ARMH4: variants seen among roughly 807,000 people sequenced by gnomAD.
ARMH4 encodes the protein armadillo like helical domain containing 4.
ARMH4 carries 49 observed loss-of-function variants against 61.9 expected under a neutral mutation model. The ratio of observed to expected loss-of-function variants is 0.79; its 90% confidence interval spans 0.63 to 1.00. The LOEUF (loss-of-function observed/expected upper bound fraction) is 1.00. ARMH4 is among the 50% of genes least tolerant of loss of function. The pLI is 0.00. For missense variants in ARMH4, 934 were observed against 930.0 expected (o/e 1.00, Z -0.06); for synonymous variants, 368 against 341.5 (o/e 1.08, Z -0.85).
intron 5 of ARMH4, among the ~76,000 whole-genome samples, chr14:58,055,518 T>A (rs1884319952): frequency 6.6e-6 from 1 of 152,226 alleles, no homozygotes; most frequent in Admixed American, 6.5e-5. Flanking sequence ...GCAACATAAT[T>A]ACCCTATATT....
intron 1 of ARMH4, among the ~76,000 whole-genome samples, chr14:58,150,735 A>G (rs540234652): frequency 1.3e-5 from 2 of 151,636 alleles, no homozygotes; most frequent in South Asian, 4.3e-4. Context: ...TCGGTTCATT[A>G]TTGTGACAAA....
At chr14:58,101,579 T>C (rs972868484) in intron 4 of ARMH4, 4 of 151,614 alleles carry the variant, frequency 2.6e-5, no homozygotes, top group Non-Finnish European at 4.4e-5. Flanking sequence ...AGTCAATCCA[T>C]AAAGAGAAAC....
At chr14:58,150,092 G>A (rs1165062924) in intron 1 of ARMH4, among the ~76,000 whole-genome samples, 1 of 152,162 alleles carries the variant, frequency 6.6e-6, no homozygotes, top group East Asian at 1.9e-4. Flanking sequence ...CCATCCATCA[G>A]ACAGTTTATT....
rs1004623022 is a variant in ARMH4 at position 58,107,088 on chromosome 14, G to A, written c.1832-10107C>T. Among the ~76,000 whole-genome samples the A allele has an allele frequency of 4.6e-5, 7 of 152,306 alleles. No individual in the cohort carries two copies. In the South Asian group the frequency reaches 1.5e-3, roughly 32 times the overall value. ...ACAAACATGTGTCATTTAATAGGCA[G>A]TTCCCACCAAAGGTGCTCAGTTTCT... is the stretch of plus-strand genomic sequence containing the variant. On this transcript the variant is annotated intron_variant, in intron 4 of 7. Transcript: ENST00000267485.
intron 5 of ARMH4, among the ~76,000 whole-genome samples, chr14:58,066,466 A>G (rs1489923237): frequency 1.3e-5 from 2 of 152,194 alleles, no homozygotes. Flanking sequence ...GGGTGATGAA[A>G]TTGTCTTGGA....
chr14:58,120,395 C>T (rs1488353222), intron 4 of ARMH4, among the ~76,000 whole-genome samples: 2 of 151,926 alleles, frequency 1.3e-5, no homozygotes, highest in East Asian at 3.9e-4. Flanking sequence ...GGGTATACAC[C>T]AATCCAGTGT....
intron 4 of ARMH4, among the ~76,000 whole-genome samples, chr14:58,100,539 T>A (rs1279489709): frequency 1.3e-5 from 2 of 152,070 alleles, no homozygotes; most frequent in African/African-American, 4.8e-5. Flanking sequence ...GGAGTAATTA[T>A]AAAGATGGAC....
At chr14:58,134,297 G>A (rs1015028035) in intron 2 of ARMH4, among the ~76,000 whole-genome samples, 5 of 152,124 alleles carry the variant, frequency 3.3e-5, no homozygotes, top group Admixed American at 3.3e-4. Flanking sequence ...GATCAGAAAA[G>A]GAAATGAATA....
intron 5 of ARMH4, among the ~76,000 whole-genome samples, chr14:58,013,850 C>G (rs1882502556): frequency 6.6e-6 from 1 of 151,926 alleles, no homozygotes; most frequent in Non-Finnish European, 1.5e-5. Context: ...ATGGTGAAAC[C>G]CCGTCTCTAC....
intron 6 of ARMH4, among the ~76,000 whole-genome samples, chr14:58,009,532 C>T (rs1265225794): frequency 2.0e-5 from 3 of 152,018 alleles, no homozygotes; most frequent in East Asian, 1.9e-4. Flanking sequence ...CAATAGGGGC[C>T]GGGCACAGTA....
intron 2 of ARMH4, among the ~76,000 whole-genome samples, chr14:58,134,089 A>G (rs1271891811): frequency 6.6e-6 from 1 of 152,252 alleles, no homozygotes; most frequent in African/African-American, 2.4e-5. Flanking sequence ...CAAAGATTAG[A>G]TAACACAAGT....
At chr14:58,024,952 C>T (rs1882972833) in intron 5 of ARMH4, among the ~76,000 whole-genome samples, 1 of 151,976 alleles carries the variant, frequency 6.6e-6, no homozygotes, top group African/African-American at 2.4e-5. Flanking sequence ...CATTAAAGAC[C>T]ACTGATCACA....
chr14:58,128,265 T>C (rs1232551047), intron 4 of ARMH4, among the ~76,000 whole-genome samples: 1 of 152,178 alleles, frequency 6.6e-6, no homozygotes, highest in Non-Finnish European at 1.5e-5. Flanking sequence ...AATTTTAAGT[T>C]GGCATTTTAG....
In ARMH4 at chr14:58,005,131, C is replaced by T; in HGVS notation, c.2173G>A (p.Ala725Thr). 1.2e-6 allele frequency: 2 copies of T among 1,614,038 alleles called. No homozygotes were observed. Among genetic ancestry groups the T allele is most frequent in the African/African-American group, 1.3e-5 (1 of 75,030 alleles). ...LVPVGVGIAG[A>T]LFILGALYSI... is the part of the protein sequence containing the mutation. ...TAGAGGGCTCCCAAGATGAACAAGG[C>T]TCCAGCTATCCCAACCCCTACAGGC... Residue 725 changes from alanine to threonine, a missense_variant, in exon 7 of 8, where the codon GCC becomes ACC. By Grantham distance (58) the Ala-to-Thr change is moderately conservative. Transcript: ENST00000267485.
At chr14:58,086,786 T>G (rs1885398849) in intron 5 of ARMH4, among the ~76,000 whole-genome samples, 1 of 152,166 alleles carries the variant, frequency 6.6e-6, no homozygotes, top group East Asian at 1.9e-4. Context: ...TACTGACAAA[T>G]GACTGGAAGA....
intron 4 of ARMH4, among the ~76,000 whole-genome samples, chr14:58,130,369 T>A (rs1375174417): frequency 6.6e-6 from 1 of 152,034 alleles, no homozygotes; most frequent in Admixed American, 6.6e-5. Context: ...TGCACCAGAG[T>A]CAGCTGCAAA....
chr14:58,115,006 A>G (rs1199890420), intron 4 of ARMH4, among the ~76,000 whole-genome samples: 1 of 152,192 alleles, frequency 6.6e-6, no homozygotes, highest in African/African-American at 2.4e-5. Context: ...AAAATCTAGA[A>G]AAAACCATTC....
Position 58,138,371 on chromosome 14 carries a change from G to A in ARMH4, c.988C>T (p.Leu330Phe), listed in dbSNP as rs762099519. The change falls in exon 2 of 8, where the codon CTT becomes TTT. Residue 330 changes from leucine to phenylalanine, a missense_variant. Physicochemically the swap from Leu to Phe is conservative, Grantham distance 22. Coordinates refer to ENST00000267485, the MANE Select transcript of ARMH4 (RefSeq NM_001001872.4). ...ESVSRIRTPK[L>F]GDNEETQVRT... ...ACCTGAGTCTCTTCATTGTCTCCAA[G>A]CTTGGGGGTCCTTATCCGGCTTACA... The A allele has an allele frequency of 1.2e-5, 20 of 1,614,030 alleles. No individual in the cohort carries two copies. Among genetic ancestry groups the A allele is most frequent in the Admixed American group, 1.7e-5 (1 of 59,994 alleles).
intron 5 of ARMH4, among the ~76,000 whole-genome samples, chr14:58,094,194 G>C (rs1242202486): frequency 2.6e-5 from 4 of 151,934 alleles, no homozygotes; most frequent in African/African-American, 9.7e-5. Flanking sequence ...GCTGGGCATG[G>C]GAGTGGGTAC....
Sources: gnomAD v4.1 joint callset for allele counts (sites outside exome capture counted in the v4.1 genomes callset) on GRCh38, gnomAD v4.1.1 for gene constraint, MANE v1.5 for transcripts, NCBI Gene and HGNC (gene_info 2026-07-23, HGNC 2026-07-21) for gene names.